The following CCDC127 variants were observed in gnomAD, a reference collection of about 807,000 sequenced individuals.
CCDC127 encodes the protein coiled-coil domain-containing protein 127.
A neutral mutation model predicts 4.1 loss-of-function variants in CCDC127; 2 were observed. That is an observed-to-expected ratio of 0.49 (90% CI 0.20 to 1.53). CCDC127 has a LOEUF of 1.53. Ranked by LOEUF, CCDC127 falls within the 40% of genes most tolerant of loss-of-function variation. The pLI is 0.23. For missense variants in CCDC127, 271 were observed against 322.9 expected (o/e 0.84, Z 1.23); for synonymous variants, 98 against 120.4 (o/e 0.81, Z 1.22).
intron 1 of CCDC127, 132 bp from the exon 2 acceptor site, chr5:216,991 C>G (rs1734411256): frequency 3.7e-6 from 2 of 534,134 alleles, no homozygotes; most frequent in African/African-American, 3.8e-5. Flanking sequence ...CAGAGCCGGG[C>G]ATGGTGGCGG....
In CCDC127 at chr5:197,093, G is replaced by T. The variant is rs528708298; in HGVS notation, c.*8204C>A. ...TCAAGGGAAGGTACTATGCCTGGAC[G>T]TGCACGTAGGCCAGATTTATGTTTC... is the stretch of plus-strand genomic sequence containing the variant. On this transcript the variant is annotated 3_prime_UTR_variant, in exon 3 of 3. Coordinates refer to ENST00000296824, the MANE Select transcript of CCDC127 (RefSeq NM_145265.3). 6.6e-6 allele frequency: 1 copy of T among 151,946 alleles called. No homozygotes were observed. The highest frequency in any genetic ancestry group is 1.5e-5 in the Non-Finnish European group (1 of 67,982). 9.4% of individuals were successfully genotyped at this position (151,946 alleles called of 1,614,324 possible). A position where few individuals can be genotyped will look rare whatever the true frequency, so the allele number is the denominator to read the frequency against.
At chr5:217,666 A>C (rs1469081227) in intron 1 of CCDC127, among the ~76,000 whole-genome samples, 1 of 151,852 alleles carries the variant, frequency 6.6e-6, no homozygotes, top group Non-Finnish European at 1.5e-5. Context: ...ACAGTGCTAG[A>C]AGCTTCTGAG....
At chr5:207,255 C>G (rs1195137286) in intron 2 of CCDC127, among the ~76,000 whole-genome samples, 2 of 152,168 alleles carry the variant, frequency 1.3e-5, no homozygotes, top group Non-Finnish European at 2.9e-5. Context: ...AGCACAAAAC[C>G]AAACTCATCC....
intron 2 of CCDC127, among the ~76,000 whole-genome samples, chr5:208,501 C>T (rs1734219882): frequency 6.6e-6 from 1 of 152,218 alleles, no homozygotes; most frequent in African/African-American, 2.4e-5. Context: ...AAACTACGGC[C>T]CCACCTCCAC....
chr5:210,710 AC>A (rs1223527034), intron 2 of CCDC127, among the ~76,000 whole-genome samples: 1 of 140,826 alleles, frequency 7.1e-6, no homozygotes, highest in Admixed American at 7.0e-5. Context: ...AGCACCACAC[AC>A]CCATCAGGAT....
In CCDC127 at chr5:197,394, C is replaced by G. The variant is rs530657081; in HGVS notation, c.*7903G>C. The G allele has an allele frequency of 6.6e-6, 1 of 152,234 alleles. No homozygotes were observed. Among genetic ancestry groups the G allele is most frequent in the African/African-American group, 2.4e-5 (1 of 41,432 alleles). The allele number at this position is 152,234 out of a possible 1,614,324, so 9.4% of individuals were successfully genotyped here. ...GGACGGTCAGGTCTTTCTCATTCCA[C>G]GAGGCCATATTTCAGACTATCACAT... is the stretch of plus-strand genomic sequence containing the variant. On this transcript the variant is annotated 3_prime_UTR_variant, in exon 3 of 3. Coordinates refer to ENST00000296824, the MANE Select transcript of CCDC127 (RefSeq NM_145265.3).
chr5:207,059 C>T (rs982981945), intron 2 of CCDC127, among the ~76,000 whole-genome samples: 1 of 152,120 alleles, frequency 6.6e-6, no homozygotes, highest in African/African-American at 2.4e-5. Flanking sequence ...AGGTGGTGTC[C>T]TTGACATTCA....
chr5:198,116 C>G lies in CCDC127; in HGVS notation c.*7181G>C, dbSNP rs1333317921. 6.6e-6 allele frequency: 1 copy of G among 152,338 alleles called. No homozygotes were observed. Among genetic ancestry groups the G allele is most frequent in the Non-Finnish European group, 1.5e-5 (1 of 68,156 alleles). The allele number at this position is 152,338 out of a possible 1,614,324, so 9.4% of individuals were successfully genotyped here. On this transcript the variant is annotated 3_prime_UTR_variant, in exon 3 of 3. Coordinates refer to ENST00000296824, the MANE Select transcript of CCDC127 (RefSeq NM_145265.3). ...TTGGGTACCCAGCATGAGTGCCGTACAGGAGCCTGCCTCCCGGGGGCGTCT... is the reference window on the plus strand; with the variant it reads ...TTGGGTACCCAGCATGAGTGCCGTAGAGGAGCCTGCCTCCCGGGGGCGTCT...
intron 2 of CCDC127, among the ~76,000 whole-genome samples, chr5:210,544 G>A (rs577439750): frequency 6.6e-5 from 10 of 152,332 alleles, no homozygotes; most frequent in Non-Finnish European, 1.3e-4. Flanking sequence ...AGAGGTGCTC[G>A]ACATCACACC....
rs1036760441 is a variant in CCDC127 at position 198,200 on chromosome 5, C to T, written c.*7097G>A. Reference sequence around the variant, plus strand: ...TATGGTGACTTCCACTCCCCACATTCGTCTCTGCCTGCTCTGCAACCACCT... The same window carrying T: ...TATGGTGACTTCCACTCCCCACATTTGTCTCTGCCTGCTCTGCAACCACCT... On this transcript the variant is annotated 3_prime_UTR_variant, in exon 3 of 3. Coordinates refer to ENST00000296824, the MANE Select transcript of CCDC127 (RefSeq NM_145265.3). 4 of 152,328 alleles carry T rather than the reference C, an allele frequency of 2.6e-5. No homozygotes were observed. The highest frequency in any genetic ancestry group is 6.5e-5 in the Admixed American group (1 of 15,292). 9.4% of individuals were successfully genotyped at this position (152,328 alleles called of 1,614,324 possible). A position where few individuals can be genotyped will look rare whatever the true frequency, so the allele number is the denominator to read the frequency against.
rs1733988370 is a variant in CCDC127, at chr5:197,555, T to C, written c.*7742A>G. 6.6e-6 allele frequency: 1 copy of C among 152,268 alleles called. No individual in the cohort carries two copies. The highest frequency in any genetic ancestry group is 1.5e-5 in the Non-Finnish European group (1 of 68,074). The allele number at this position is 152,268 out of a possible 1,614,324, so 9.4% of individuals were successfully genotyped here. On this transcript the variant is annotated 3_prime_UTR_variant, in exon 3 of 3. Coordinates refer to ENST00000296824, the MANE Select transcript of CCDC127 (RefSeq NM_145265.3). ...CCAAGCATACTGCTTGTAAACATTTTGTTAACAAGGCACGTCCTGCACAGC... is the reference window on the plus strand; with the variant it reads ...CCAAGCATACTGCTTGTAAACATTTCGTTAACAAGGCACGTCCTGCACAGC...
chr5:213,972 T>C (rs1333548728), intron 2 of CCDC127: 1 of 152,230 alleles, frequency 6.6e-6, no homozygotes, highest in Non-Finnish European at 1.5e-5. Context: ...AAACACACTG[T>C]GGTACGTCCA....
intron 1 of CCDC127, 130 bp downstream of exon 1, chr5:217,963 G>GC (rs1439477131): frequency 9.9e-6 from 4 of 403,940 alleles, no homozygotes; most frequent in East Asian, 7.5e-5. Flanking sequence ...GCGGACGAGC[G>GC]CCCCCCTCCG....
At chr5:213,362 C>T (rs1206574283) in intron 2 of CCDC127, among the ~76,000 whole-genome samples, 6 of 80,400 alleles carry the variant, frequency 7.5e-5, no homozygotes, top group African/African-American at 4.6e-4. Context: ...CTCGACATCG[C>T]ACACTGCAGC....
chr5:202,485 TGAGGCAG>T lies in CCDC127; in HGVS notation c.*2805_*2811del, dbSNP rs528533086. On this transcript the variant is annotated 3_prime_UTR_variant, in exon 3 of 3. Coordinates refer to ENST00000296824, the MANE Select transcript of CCDC127 (RefSeq NM_145265.3). The stretch of plus-strand genomic sequence containing the variant: ...CTGTAGTCCCAGCTACTCGGGAGGC[TGAGGCAG>T]GCAAACTACTCGAACCCGGGAGGCA... 3.1e-3 allele frequency: 476 copies of T among 152,374 alleles called. 1 individual carries two copies. Among genetic ancestry groups the T allele is most frequent in the Middle Eastern group, 6.8e-3 (2 of 294 alleles). The allele number at this position is 152,374 out of a possible 1,614,324, so 9.4% of individuals were successfully genotyped here. A position where few individuals can be genotyped will look rare whatever the true frequency, so the allele number is the denominator to read the frequency against.
At chr5:217,919 G>A (rs1734457043) in intron 1 of CCDC127, among the ~76,000 whole-genome samples, 174 bp downstream of exon 1, 2 of 152,240 alleles carry the variant, frequency 1.3e-5, no homozygotes, top group African/African-American at 4.8e-5. Context: ...ATAAACAAGA[G>A]GTCGGAGGCC....
intron 2 of CCDC127, among the ~76,000 whole-genome samples, chr5:209,970 G>A (rs1182076333): frequency 6.6e-6 from 1 of 152,182 alleles, no homozygotes; most frequent in Non-Finnish European, 1.5e-5. Context: ...CAGCATCTAC[G>A]GAAAACCTGC....
intron 1 of CCDC127, 182 bp from the exon 2 acceptor site, chr5:217,041 G>C (rs1734414510): frequency 1.8e-6 from 1 of 541,670 alleles, no homozygotes; most frequent in African/African-American, 1.9e-5. Context: ...TGAGGCAGGA[G>C]AATCGCTTGA....
chr5:207,944 C>T (rs1407906553), intron 2 of CCDC127, among the ~76,000 whole-genome samples: 1 of 152,110 alleles, frequency 6.6e-6, no homozygotes, highest in African/African-American at 2.4e-5. Context: ...ACGTCAGACC[C>T]CACCATACAG....
Sources: allele counts gnomAD v4.1 joint callset (sites outside exome capture counted in the v4.1 genomes callset), GRCh38; gene constraint gnomAD v4.1.1; transcripts MANE v1.5; gene names NCBI Gene and HGNC (gene_info 2026-07-23, HGNC 2026-07-21).